Variants in EMP2 observed in about 807,000 individuals in gnomAD.
The protein encoded by EMP2 is epithelial membrane protein 2.
In EMP2, 19 loss-of-function variants were observed where a neutral mutation model predicts 13.7. The observed-to-expected ratio is 1.38, with a 90% CI of 0.97 to 2.03. The LOEUF (loss-of-function observed/expected upper bound fraction) is 2.03, where lower values mean the gene tolerates loss of function less well. Ranked by LOEUF, EMP2 falls within the 30% of genes most tolerant of loss-of-function variation. The pLI is 0.00. For missense variants in EMP2, 253 were observed against 220.7 expected, an observed-to-expected ratio of 1.15 and a Z score of -0.93; for synonymous variants, 97 against 84.7, an observed-to-expected ratio of 1.15 and a Z score of -0.80.
At chr16:10,539,631 C>T (rs991387042) in intron 3 of EMP2, among the ~76,000 whole-genome samples, 7 of 151,986 alleles carry the variant, frequency 4.6e-5, no homozygotes, top group Non-Finnish European at 8.8e-5. Context: ...ATGGTGGTTA[C>T]GTGGGTGTTT....
intron 1 of EMP2, among the ~76,000 whole-genome samples, chr16:10,579,614 A>C (rs2051009055): frequency 1.3e-5 from 2 of 152,034 alleles, no homozygotes; most frequent in Non-Finnish European, 2.9e-5. Flanking sequence ...TAGGTGTCTC[A>C]TAAAAGTGGA....
At chr16:10,547,489 A>C (rs761094787) in intron 2 of EMP2, 51 bp downstream of exon 2, 110 of 1,591,518 alleles carry the variant, frequency 6.9e-5, no homozygotes, top group Non-Finnish European at 8.9e-5. Flanking sequence ...ACCCACTTCT[A>C]TTGACTGCAG....
At chr16:10,573,770 G>A (rs1002671441) in intron 1 of EMP2, among the ~76,000 whole-genome samples, 3 of 152,108 alleles carry the variant, frequency 2.0e-5, no homozygotes, top group Non-Finnish European at 2.9e-5. Context: ...TCCAGACATT[G>A]TTCCTCGTAT....
intron 3 of EMP2, among the ~76,000 whole-genome samples, chr16:10,541,091 CG>C (rs2050693923): frequency 7.2e-6 from 1 of 139,524 alleles, no homozygotes; most frequent in Non-Finnish European, 1.5e-5. Context: ...CTGATTCAAA[CG>C]GAAAAAAAAA....
At position 10,531,579 on chromosome 16, in the gene EMP2, C is replaced by T. The variant is rs1264245939; in HGVS notation, c.*1326G>A. ...TCCTGACCTCAGGTGATCCACCCGCCTCAGCCTCCCAAAGTGCTGGGATTA... is the reference window on the plus strand; with the variant it reads ...TCCTGACCTCAGGTGATCCACCCGCTTCAGCCTCCCAAAGTGCTGGGATTA... On this transcript the variant is annotated 3_prime_UTR_variant, in exon 5 of 5. Coordinates refer to ENST00000359543, the MANE Select transcript of EMP2 (RefSeq NM_001424.6). The T allele has an allele frequency of 1.3e-5, 2 of 152,236 alleles. No homozygotes were observed. The highest frequency in any genetic ancestry group is 4.8e-5 in the African/African-American group (2 of 41,440). 9.4% of individuals were successfully genotyped at this position (152,236 alleles called of 1,614,324 possible).
intron 1 of EMP2, among the ~76,000 whole-genome samples, chr16:10,567,053 C>T (rs2050911141): frequency 1.3e-5 from 2 of 152,228 alleles, no homozygotes; most frequent in African/African-American, 4.8e-5. Context: ...AGAGAAGCCT[C>T]CCCAACTTTT....
chr16:10,535,825 C>T (rs1416148605), intron 4 of EMP2, among the ~76,000 whole-genome samples: 1 of 152,172 alleles, frequency 6.6e-6, no homozygotes, highest in African/African-American at 2.4e-5. Context: ...GGATCAGACA[C>T]CTCCTGACTA....
intron 1 of EMP2, among the ~76,000 whole-genome samples, chr16:10,550,831 C>T (rs909607831): frequency 4.6e-5 from 7 of 151,962 alleles, no homozygotes; most frequent in African/African-American, 1.5e-4. Context: ...AAAAATTAGC[C>T]GGGCGTGGTG....
chr16:10,575,168 C>G (rs2050974062), intron 1 of EMP2, among the ~76,000 whole-genome samples: 2 of 149,554 alleles, frequency 1.3e-5, no homozygotes, highest in South Asian at 4.3e-4. Flanking sequence ...TTAAGGAAAC[C>G]TTTGCACACC....
chr16:10,559,232 C>G (rs1258117523), intron 1 of EMP2: 2 of 152,466 alleles, frequency 1.3e-5, no homozygotes, highest in Non-Finnish European at 2.9e-5. Context: ...TCCGAGGGGA[C>G]GGTGGCTTTG....
rs974448700 is a variant in EMP2 at position 10,537,963 on chromosome 16, C to T, written c.281G>A (p.Arg94Lys). Residue 94 changes from arginine (R) to lysine (K), a missense_variant, in exon 4 of 5, where the codon AGG becomes AAG. Arg to Lys is a conservative substitution (Grantham distance 26, BLOSUM62 2). Coordinates refer to ENST00000359543, the MANE Select transcript of EMP2 (RefSeq NM_001424.6). ...LQLFRLKQGE[R>K]FVLTSIIQLM... ...CTGGATGATGGAGGTTAGGACAAACCTCTCTCCCTGCTTCAGGCGGAAGAG... is the reference window on the plus strand; with the variant it reads ...CTGGATGATGGAGGTTAGGACAAACTTCTCTCCCTGCTTCAGGCGGAAGAG... 2 of 1,614,102 alleles carry T rather than the reference C, an allele frequency of 1.2e-6. No individual in the cohort carries two copies. The highest frequency in any genetic ancestry group is 1.7e-6 in the Non-Finnish European group (2 of 1,180,026).
At chr16:10,562,932 C>T (rs1422499246) in intron 1 of EMP2, among the ~76,000 whole-genome samples, 3 of 152,154 alleles carry the variant, frequency 2.0e-5, no homozygotes, top group African/African-American at 7.2e-5. Context: ...TATAATTATG[C>T]TACCCAGTAA....
At chr16:10,567,188 A>G (rs1346916906) in intron 1 of EMP2, among the ~76,000 whole-genome samples, 1 of 152,158 alleles carries the variant, frequency 6.6e-6, no homozygotes, top group Non-Finnish European at 1.5e-5. Context: ...CCCAGCGGGC[A>G]GGGATTTATG....
chr16:10,530,225 A>T lies in EMP2; in HGVS notation c.*2680T>A, dbSNP rs1182293079. On this transcript the variant is annotated 3_prime_UTR_variant, in exon 5 of 5. Coordinates refer to ENST00000359543, the MANE Select transcript of EMP2 (RefSeq NM_001424.6). Reference sequence around the variant, plus strand: ...GACTCCAAACTTCATGATGGCAGGGAGGATATCTGGATTTGCTCACCCCTG... The same window carrying T: ...GACTCCAAACTTCATGATGGCAGGGTGGATATCTGGATTTGCTCACCCCTG... The T allele has an allele frequency of 3.9e-5, 6 of 152,356 alleles. No homozygotes were observed. The East Asian group carries it at 9.6e-4, about 24-fold the overall frequency. 9.4% of individuals were successfully genotyped at this position (152,356 alleles called of 1,614,324 possible). A position where few individuals can be genotyped will look rare whatever the true frequency, so the allele number is the denominator to read the frequency against.
At chr16:10,576,580 AG>A (rs1425494851) in intron 1 of EMP2, 1 of 151,442 alleles carries the variant, frequency 6.6e-6, no homozygotes, top group African/African-American at 2.4e-5. Context: ...CCCCTCCCTC[AG>A]CTCTGGACCC....
At chr16:10,563,819 T>C (rs2050889340) in intron 1 of EMP2, among the ~76,000 whole-genome samples, 1 of 152,182 alleles carries the variant, frequency 6.6e-6, no homozygotes, top group African/African-American at 2.4e-5. Flanking sequence ...CCTTGGACTG[T>C]TGGGAGATAA....
chr16:10,543,145 C>A (rs1293748720), intron 3 of EMP2, among the ~76,000 whole-genome samples: 1 of 152,196 alleles, frequency 6.6e-6, no homozygotes, highest in Non-Finnish European at 1.5e-5. Flanking sequence ...TGAGCCCCGC[C>A]AGATCTCGGA....
chr16:10,540,723 C>T (rs546047435), intron 3 of EMP2, among the ~76,000 whole-genome samples: 2 of 152,108 alleles, frequency 1.3e-5, no homozygotes, highest in Admixed American at 6.5e-5. Context: ...TTGGGCTTTC[C>T]ATCTAGTATT....
Position 10,537,927 on chromosome 16 carries a change from C to T in EMP2, c.316+1G>A, listed in dbSNP as rs375332633. The T allele has an allele frequency of 6.2e-7, 1 of 1,613,906 alleles. No homozygotes were observed. Among genetic ancestry groups the T allele is most frequent in the South Asian group, 1.1e-5 (1 of 91,066 alleles). ...TTAGGGAAGCCCGTTGATGTACTTA[C>T]ATGACATTAGCTGGATGATGGAGGT... On this transcript the variant is annotated splice_donor_variant, in intron 4 of 4. Transcript: ENST00000359543. LOFTEE classifies it high-confidence loss of function.
Sources: allele counts gnomAD v4.1 joint callset (sites outside exome capture counted in the v4.1 genomes callset), GRCh38; gene constraint gnomAD v4.1.1; transcripts MANE v1.5; gene names NCBI Gene and HGNC (gene_info 2026-07-23, HGNC 2026-07-21).